UBXN7: variants seen among roughly 807,000 people sequenced by gnomAD.
UBXN7 encodes UBX domain-containing protein 7.
In UBXN7, 9 loss-of-function variants were observed where a neutral mutation model predicts 58.0. That is an observed-to-expected ratio of 0.16 (90% CI 0.09 to 0.27). UBXN7 has a LOEUF of 0.27. UBXN7 is among the 10% of genes least tolerant of loss of function. The pLI, the probability that UBXN7 is intolerant of heterozygous loss-of-function variation, is 1.00. For synonymous variants in UBXN7, 208 were observed against 205.0 expected (o/e 1.01, Z -0.12); for missense variants, 328 against 599.6 (o/e 0.55, Z 4.73).
chr3:196,429,226 C>G (rs1046992525), intron 1 of UBXN7, among the ~76,000 whole-genome samples: 2 of 151,742 alleles, frequency 1.3e-5, no homozygotes, highest in African/African-American at 4.8e-5. Flanking sequence ...ACTTGGGAGG[C>G]TGAGGCACGA....
In UBXN7 at chr3:196,401,248, C is replaced by CAAAAAAAA. The variant is rs35766312; in HGVS notation, c.289+1696_289+1703dup. ...CTAACATGGAGAAACCCCGTCTCTC[C>CAAAAAAAA]AAAAAAAAAAAAAAAAAAAAAAAAA... is the stretch of plus-strand genomic sequence containing the variant. On this transcript the variant is annotated intron_variant, in intron 3 of 10. Coordinates refer to ENST00000296328, the MANE Select transcript of UBXN7 (RefSeq NM_015562.2). 6.6e-3 allele frequency among the ~76,000 whole-genome samples: 15 copies of CAAAAAAAA among 2,272 alleles called. 5 individuals are homozygous for CAAAAAAAA. Among genetic ancestry groups the CAAAAAAAA allele is most frequent in the Non-Finnish European group, 8.5e-3 (10 of 1,178 alleles). 1.5% of individuals were successfully genotyped at this position (2,272 alleles called of 152,430 possible).
chr3:196,374,940 A>G (rs1432651827), intron 5 of UBXN7, among the ~76,000 whole-genome samples: 1 of 15,790 alleles, frequency 6.3e-5, no homozygotes, highest in African/African-American at 2.6e-4. Context: ...GGAAGAAGGA[A>G]GGAAGGAAAG....
At chr3:196,359,174 TGCTTGC>T (rs1728436627) in intron 10 of UBXN7, among the ~76,000 whole-genome samples, 2 of 152,230 alleles carry the variant, frequency 1.3e-5, no homozygotes, top group African/African-American at 2.4e-5. Context: ...CTTTTGGTAA[TGCTTGC>T]AGTTCATTAT....
intron 1 of UBXN7, among the ~76,000 whole-genome samples, chr3:196,411,806 G>A (rs1052346082): frequency 6.6e-6 from 1 of 152,072 alleles, no homozygotes; most frequent in Admixed American, 6.5e-5. Context: ...GTGAGACTTC[G>A]TCTCAAAAAA....
chr3:196,415,298 C>T (rs1447857691), intron 1 of UBXN7, among the ~76,000 whole-genome samples: 2 of 150,938 alleles, frequency 1.3e-5, no homozygotes, highest in Non-Finnish European at 3.0e-5. Flanking sequence ...GGACAATAGG[C>T]GCACGCCACC....
At chr3:196,358,349 G>A (rs978105854) in intron 10 of UBXN7, among the ~76,000 whole-genome samples, 4 of 152,208 alleles carry the variant, frequency 2.6e-5, no homozygotes, top group Admixed American at 2.0e-4. Context: ...TTTCAGTTGG[G>A]TTTCTATTCC....
At chr3:196,381,765 C>T (rs556722249) in intron 5 of UBXN7, among the ~76,000 whole-genome samples, 2 of 152,156 alleles carry the variant, frequency 1.3e-5, no homozygotes, top group African/African-American at 4.8e-5. Context: ...GAATTGCTAA[C>T]TAGAATAAAC....
rs975410328 is a variant in UBXN7, at chr3:196,350,292, A to G, written c.*6393T>C. 3 of 152,260 alleles carry G rather than the reference A, an allele frequency of 2.0e-5. No homozygotes were observed. Among genetic ancestry groups the G allele is most frequent in the Admixed American group, 2.0e-4 (3 of 15,284 alleles). The allele number at this position is 152,260 out of a possible 1,614,324, so 9.4% of individuals were successfully genotyped here. On this transcript the variant is annotated 3_prime_UTR_variant, in exon 11 of 11. Transcript: ENST00000296328. ...GAGAATATCTGCAATTTTAAGCAAC[A>G]CAACAGCAACTGGTAGGCCACAAAG...
chr3:196,406,332 C>CTTTT (rs1042186089), intron 2 of UBXN7, among the ~76,000 whole-genome samples: 1 of 151,104 alleles, frequency 6.6e-6, no homozygotes, highest in East Asian at 1.9e-4. Context: ...CATGCCTGGA[C>CTTTT]TTTTTTTTTA....
chr3:196,432,273 C>A, intron 1 of UBXN7, 54 bp downstream of exon 1: 1 of 1,604,258 alleles, frequency 6.2e-7, no homozygotes, highest in Non-Finnish European at 8.5e-7. Flanking sequence ...CCGGGGCAGA[C>A]CCGCTGCCCG....
chr3:196,432,097 C>G (rs563147780), intron 1 of UBXN7: 2 of 650,370 alleles, frequency 3.1e-6, no homozygotes, highest in East Asian at 2.8e-5. Flanking sequence ...TGGGGGATCT[C>G]CCTCCACGCT....
rs1270154569 is a variant in UBXN7 at position 196,403,025 on chromosome 3, A to T, written c.222-6T>A. 6.7e-7 allele frequency: 1 copy of T among 1,495,340 alleles called. No homozygotes were observed. 92.6% of individuals were successfully genotyped at this position (1,495,340 alleles called of 1,614,324 possible). On this transcript the variant is annotated splice_region_variant and splice_polypyrimidine_tract_variant and intron_variant, in intron 2 of 10. Coordinates refer to ENST00000296328, the MANE Select transcript of UBXN7 (RefSeq NM_015562.2). ...TTGGGGCACGAACTTCTTCTCTATT[A>T]AAAAAAAATGGGAAAATAAAAAATG... is the stretch of plus-strand genomic sequence containing the variant.
rs6583302 is a variant in UBXN7 at position 196,353,487 on chromosome 3, C to T, written c.*3198G>A. 0.97 allele frequency: 144,789 copies of T among 148,788 alleles called. 70,426 individuals are homozygous for T. The highest frequency in any genetic ancestry group is 1 in the East Asian group (5,093 of 5,116). The allele number at this position is 148,788 out of a possible 1,614,324, so 9.2% of individuals were successfully genotyped here. A position where few individuals can be genotyped will look rare whatever the true frequency, so the allele number is the denominator to read the frequency against. On this transcript the variant is annotated 3_prime_UTR_variant, in exon 11 of 11. Transcript: ENST00000296328. ...TCCCACTAGTTTTCTTCTTCTTCTT[C>T]TTTTTTTTTTTTAAATTTGAGATGG... is the stretch of plus-strand genomic sequence containing the variant.
chr3:196,403,290 T>C (rs998012804), intron 2 of UBXN7, among the ~76,000 whole-genome samples: 2 of 152,102 alleles, frequency 1.3e-5, no homozygotes, highest in African/African-American at 4.8e-5. Context: ...CCCTAGCAGC[T>C]GGGACTACAG....
At chr3:196,432,191 C>G in intron 1 of UBXN7, 136 bp downstream of exon 1, 1 of 1,281,284 alleles carries the variant, frequency 7.8e-7, no homozygotes, top group Non-Finnish European at 1.1e-6. Flanking sequence ...CCGTCGTCGC[C>G]TCTTCCTCAG....
chr3:196,415,149 ACTT>A (rs1290970700), intron 1 of UBXN7, among the ~76,000 whole-genome samples: 4 of 143,458 alleles, frequency 2.8e-5, no homozygotes, highest in Non-Finnish European at 3.0e-5. Context: ...GTATTATCAT[ACTT>A]CTTTTTTTTT....
In UBXN7 at chr3:196,354,139, A is replaced by G. The variant is rs1274289645; in HGVS notation, c.*2546T>C. On this transcript the variant is annotated 3_prime_UTR_variant, in exon 11 of 11. Coordinates refer to ENST00000296328, the MANE Select transcript of UBXN7 (RefSeq NM_015562.2). Reference sequence around the variant, plus strand: ...TTTATATCAACCCTAAGATAATTACACTCCTGCCTCAAAATAAAATAAAAT... The same window carrying G: ...TTTATATCAACCCTAAGATAATTACGCTCCTGCCTCAAAATAAAATAAAAT... 2.0e-5 allele frequency: 3 copies of G among 151,436 alleles called. No homozygotes were observed. Among genetic ancestry groups the G allele is most frequent in the African/African-American group, 4.9e-5 (2 of 41,134 alleles). 9.4% of individuals were successfully genotyped at this position (151,436 alleles called of 1,614,324 possible). A position where few individuals can be genotyped will look rare whatever the true frequency, so the allele number is the denominator to read the frequency against.
intron 1 of UBXN7, among the ~76,000 whole-genome samples, chr3:196,420,159 A>G (rs1380145179): frequency 2.0e-5 from 3 of 152,164 alleles, no homozygotes; most frequent in Non-Finnish European, 2.9e-5. Flanking sequence ...TTAGAAGAAC[A>G]TACCTTTTTT....
At chr3:196,368,650 C>G (rs1358268544) in intron 7 of UBXN7, among the ~76,000 whole-genome samples, 7 of 152,168 alleles carry the variant, frequency 4.6e-5, no homozygotes, top group Non-Finnish European at 1.0e-4. Flanking sequence ...GATAGGGCAA[C>G]TATCTTATCT....
Sources: allele counts gnomAD v4.1 joint callset (sites outside exome capture counted in the v4.1 genomes callset), GRCh38; gene constraint gnomAD v4.1.1; transcripts MANE v1.5; gene names NCBI Gene and HGNC (gene_info 2026-07-23, HGNC 2026-07-21).